Variants in LRP1 observed in about 807,000 individuals in gnomAD.
LRP1 encodes the protein prolow-density lipoprotein receptor-related protein 1.
A neutral mutation model predicts 541.5 loss-of-function variants in LRP1; 51 were observed. The observed-to-expected ratio is 0.09, with a 90% CI of 0.08 to 0.12. LRP1 has a LOEUF of 0.12. LRP1 is among the 10% of genes least tolerant of loss of function. The pLI, the probability that LRP1 is intolerant of heterozygous loss-of-function variation, is 1.00. For missense variants in LRP1, 3,878 were observed against 6,376.2 expected (o/e 0.61, Z 13.34); for synonymous variants, 2,219 against 2,470.8 (o/e 0.90, Z 3.02).
chr12:57,141,647 C>A, intron 3 of LRP1, 136 bp downstream of exon 3: 1 of 1,181,776 alleles, frequency 8.5e-7, no homozygotes, highest in Non-Finnish European at 1.2e-6. Flanking sequence ...CTTCAGAGAG[C>A]AGATGAAATT....
At position 57,189,425 on chromosome 12, in the gene LRP1, T is replaced by C. The variant is rs932452046; in HGVS notation, c.7032-1380T>C. Among the ~76,000 whole-genome samples, 17 of 152,244 alleles carry C rather than the reference T, an allele frequency of 1.1e-4. No homozygotes were observed. Among genetic ancestry groups the C allele is most frequent in the African/African-American group, 4.1e-4 (17 of 41,558 alleles). On this transcript the variant is annotated intron_variant, in intron 42 of 88. Coordinates refer to ENST00000243077, the MANE Select transcript of LRP1 (RefSeq NM_002332.3). This position sits in a 1 kb window ranked among gnomAD's most constrained non-coding sequence, Gnocchi z 4.4. ...GCCTCCCTCCCAACTTACATCCCGATTCCAGAGCCACCGCAAACCCCTGCT... is the reference window on the plus strand; with the variant it reads ...GCCTCCCTCCCAACTTACATCCCGACTCCAGAGCCACCGCAAACCCCTGCT...
Position 57,177,346 on chromosome 12 carries a change from C to A in LRP1, c.4197-81C>A. 6.4e-7 allele frequency: 1 copy of A among 1,558,876 alleles called. No individual in the cohort carries two copies. ...ACTCCTCAGTGCCATCTGCCTCCTCCCACCCTCTACCTACGATCCCACCAC... is the reference window on the plus strand; with the variant it reads ...ACTCCTCAGTGCCATCTGCCTCCTCACACCCTCTACCTACGATCCCACCAC... On this transcript the variant is annotated intron_variant, in intron 25 of 88. Transcript: ENST00000243077. The surrounding 1 kb of genome is among the most constrained non-coding windows in gnomAD (Gnocchi z 6.8).
In LRP1 at chr12:57,203,224, C is replaced by T; in HGVS notation, c.10755C>T (p.Gly3585=). Residue 3585 remains glycine, a synonymous_variant, in exon 69 of 89, where the codon GGC becomes GGT. Coordinates refer to ENST00000243077, the MANE Select transcript of LRP1 (RefSeq NM_002332.3). The stretch of plus-strand genomic sequence containing the variant: ...AGAGTGAGTTCTCCTGTGCCAACGG[C>T]CGCTGCATCGCGGGGCGCTGGAAAT... ...CSESEFSCAN[G]RCIAGRWKCD... 6.2e-7 allele frequency: 1 copy of T among 1,610,590 alleles called. No individual in the cohort carries two copies. The highest frequency in any genetic ancestry group is 8.5e-7 in the Non-Finnish European group (1 of 1,178,530).
Position 57,180,795 on chromosome 12 carries a change from A to G in LRP1, c.5515A>G (p.Ser1839Gly), listed in dbSNP as rs748974773. Reference protein sequence around the residue: ...LVMHMKVYDESIQLDHKGTNP... With the variant: ...LVMHMKVYDEGIQLDHKGTNP... ...GATGCACATGAAGGTCTATGACGAG[A>G]GCATCCAGCTGGGTAGGTGCGAGGC... Residue 1839 changes from serine to glycine, a missense_variant, in exon 33 of 89, where the codon AGC (serine) becomes GGC (glycine). Coordinates refer to ENST00000243077, the MANE Select transcript of LRP1 (RefSeq NM_002332.3). The G allele has an allele frequency of 1.9e-6, 3 of 1,613,794 alleles. No homozygotes were observed.
At chr12:57,187,538 G>C in intron 42 of LRP1, 82 bp downstream of exon 42, 1 of 1,406,038 alleles carries the variant, frequency 7.1e-7, no homozygotes, top group Non-Finnish European at 9.6e-7. Context: ...ATCCAAGCGG[G>C]GGTGCAGGAG....
In LRP1 at chr12:57,143,329, G is replaced by A. The variant is rs1024166553; in HGVS notation, c.329-350G>A. On this transcript the variant is annotated intron_variant, in intron 3 of 88. Transcript: ENST00000243077. ...TGTAATCCCCAGGCAGTGTAGATGAGAGGCATATCAAAGGGATAAGACTCA... is the reference window on the plus strand; with the variant it reads ...TGTAATCCCCAGGCAGTGTAGATGAAAGGCATATCAAAGGGATAAGACTCA... Among the ~76,000 whole-genome samples the A allele has an allele frequency of 2.0e-5, 3 of 151,068 alleles. No individual in the cohort carries two copies. In the East Asian group the frequency reaches 5.9e-4, roughly 30 times the overall value.
In LRP1 at chr12:57,203,420, A is replaced by T. The variant is rs748349980; in HGVS notation, c.10850A>T (p.Gln3617Leu). 2 of 1,610,062 alleles carry T rather than the reference A, an allele frequency of 1.2e-6. No homozygotes were observed. The highest frequency in any genetic ancestry group is 2.2e-5 in the South Asian group (2 of 90,582). ...KDCTPRCDMD[Q>L]FQCKSGHCIP... ...TGCACCCCCCGCTGTGACATGGACC[A>T]GTTCCAGTGCAAGAGCGGCCACTGC... Residue 3617 changes from glutamine (Q) to leucine (L), a missense_variant, in exon 70 of 89, where the codon CAG becomes CTG. Gln to Leu is a moderately radical substitution (Grantham distance 113). This residue lies in a region of LRP1 where 278 missense variants were observed against 536.3 expected (regional missense o/e 0.52). Coordinates refer to ENST00000243077, the MANE Select transcript of LRP1 (RefSeq NM_002332.3).
intron 34 of LRP1, among the ~76,000 whole-genome samples, chr12:57,182,634 C>T (rs11172122): frequency 0.41 from 61,304 of 151,236 alleles, 13,499 homozygotes; most frequent in African/African-American, 0.58. Context: ...CTGACCAACA[C>T]GGAGAAACCC....
At chr12:57,180,005 G>T in intron 30 of LRP1, 42 bp from the exon 31 acceptor site, 1 of 1,613,632 alleles carries the variant, frequency 6.2e-7, no homozygotes, top group Non-Finnish European at 8.5e-7. Context: ...GGGCTGGGAA[G>T]AAGAGGACCC....
rs1477890168 is a variant in LRP1, at chr12:57,184,949, T to C, written c.6297T>C (p.Phe2099=). 2.5e-6 allele frequency: 4 copies of C among 1,613,996 alleles called. No homozygotes were observed. The highest frequency in any genetic ancestry group is 3.4e-6 in the Non-Finnish European group (4 of 1,179,998). ...VVLSSNNMDM[F]SVSVFEDFIY... ...TGTCCAGCAACAACATGGACATGTT[T>C]TCAGTGTCTGTGTTTGAGGATTTCA... Residue 2099 remains phenylalanine, a synonymous_variant, in exon 39 of 89, where the codon TTT becomes TTC. Coordinates refer to ENST00000243077, the MANE Select transcript of LRP1 (RefSeq NM_002332.3). The surrounding 1 kb of genome is among the most constrained non-coding windows in gnomAD (Gnocchi z 7.8).
chr12:57,194,249 G>A (rs35492427), intron 48 of LRP1, 105 bp from the exon 49 acceptor site: 31,839 of 1,329,396 alleles, frequency 0.024, 527 homozygotes, highest in East Asian at 0.066. Context: ...GAAGGGCACC[G>A]TTCAACTTTT....
At position 57,179,129 on chromosome 12, in the gene LRP1, C is replaced by A. The variant is rs925058083; in HGVS notation, c.4738+108C>A. On this transcript the variant is annotated intron_variant, in intron 28 of 88. Coordinates refer to ENST00000243077, the MANE Select transcript of LRP1 (RefSeq NM_002332.3). This position sits in a 1 kb window ranked among gnomAD's most constrained non-coding sequence, Gnocchi z 6.8. Reference sequence around the variant, plus strand: ...AGGCAGAGTCCCAGTCGGGAGGGTCCCGATAGGAGAGGCTCCAGAGACAGC... The same window carrying A: ...AGGCAGAGTCCCAGTCGGGAGGGTCACGATAGGAGAGGCTCCAGAGACAGC... The A allele has an allele frequency of 1.4e-6, 2 of 1,452,484 alleles. No individual in the cohort carries two copies. The highest frequency in any genetic ancestry group is 1.9e-6 in the Non-Finnish European group (2 of 1,080,156). 90.0% of individuals were successfully genotyped at this position (1,452,484 alleles called of 1,614,324 possible).
At chr12:57,136,407 C>CCT (rs1189172084) in intron 1 of LRP1, among the ~76,000 whole-genome samples, 1 of 145,706 alleles carries the variant, frequency 6.9e-6, no homozygotes, top group African/African-American at 2.5e-5. Flanking sequence ...CCCCCCCCCC[C>CCT]GCCATTTTCC....
At chr12:57,171,907 C>T (rs560853988) in intron 20 of LRP1, among the ~76,000 whole-genome samples, 179 of 152,236 alleles carry the variant, frequency 1.2e-3, no homozygotes, top group African/African-American at 4.2e-3. Flanking sequence ...CATGCCCTGG[C>T]CCTGCCCTCC....
At chr12:57,169,731 A>G (rs1030903291) in intron 20 of LRP1, among the ~76,000 whole-genome samples, 2 of 152,232 alleles carry the variant, frequency 1.3e-5, no homozygotes, top group Admixed American at 1.3e-4. Flanking sequence ...GGTAAATAGT[A>G]GCTTGAGAAA....
intron 67 of LRP1, among the ~76,000 whole-genome samples, chr12:57,202,140 C>T (rs1235882257): frequency 6.6e-6 from 1 of 152,042 alleles, no homozygotes; most frequent in East Asian, 1.9e-4. Context: ...GCCCACGCCT[C>T]ATCCACACAT....
In LRP1 at chr12:57,185,953, G is replaced by A. The variant is rs1056085377; in HGVS notation, c.6841+45G>A. On this transcript the variant is annotated intron_variant, in intron 41 of 88. Coordinates refer to ENST00000243077, the MANE Select transcript of LRP1 (RefSeq NM_002332.3). This position sits in a 1 kb window ranked among gnomAD's most constrained non-coding sequence, Gnocchi z 4.9. ...CTTCCCAGGAAGTGGGACATGGGGC[G>A]GGGAGCAGCACAGACTCTTAGACCC... The A allele has an allele frequency of 5.1e-6, 8 of 1,578,424 alleles. No individual in the cohort carries two copies. Among genetic ancestry groups the A allele is most frequent in the African/African-American group, 2.7e-5 (2 of 74,412 alleles).
Position 57,173,277 on chromosome 12 carries a change from C to G in LRP1, c.3273C>G (p.Ser1091=). ...ATGGGGACACTGACTGCATGGACTC[C>G]AGCGATGAGAAGAGCTGTGAGGGAG... ...RCDGDTDCMD[S]SDEKSCEGVT... Residue 1091 remains serine, a synonymous_variant, in exon 21 of 89, where the codon TCC becomes TCG. Coordinates refer to ENST00000243077, the MANE Select transcript of LRP1 (RefSeq NM_002332.3). This position sits in a 1 kb window ranked among gnomAD's most constrained non-coding sequence, Gnocchi z 4.7. 1 of 1,614,100 alleles carries G rather than the reference C, an allele frequency of 6.2e-7. No homozygotes were observed. The highest frequency in any genetic ancestry group is 2.2e-5 in the East Asian group (1 of 44,886).
Position 57,195,737 on chromosome 12 carries a change from C to A in LRP1, c.8517C>A (p.His2839Gln). Residue 2839 changes from histidine to glutamine, a missense_variant, in exon 53 of 89, where the codon CAC (histidine) becomes CAA (glutamine). By Grantham distance (24) the His-to-Gln change is conservative. Transcript: ENST00000243077. The part of the protein sequence containing the change: ...QCIPKHFVCD[H>Q]DRDCADGSDE... ...TCCCCAAGCACTTCGTGTGTGACCA[C>A]GACCGTGACTGTGCAGATGGCTCTG... is the stretch of plus-strand genomic sequence containing the variant. 2 of 1,614,194 alleles carry A rather than the reference C, an allele frequency of 1.2e-6. No homozygotes were observed. The highest frequency in any genetic ancestry group is 1.7e-6 in the Non-Finnish European group (2 of 1,180,032).
Sources: allele counts gnomAD v4.1 joint callset (sites outside exome capture counted in the v4.1 genomes callset), GRCh38; gene constraint gnomAD v4.1.1; regional missense constraint gnomAD v4.1.1; non-coding constraint Gnocchi (gnomAD v3.1); transcripts MANE v1.5; gene names NCBI Gene and HGNC (gene_info 2026-07-23, HGNC 2026-07-21).